ANGPT2: variants seen among roughly 807,000 people sequenced by gnomAD.
ANGPT2 encodes angiopoietin-2.
Under a neutral mutation model 62.9 loss-of-function variants are expected in ANGPT2, and 28 were observed. The ratio of observed to expected loss-of-function variants is 0.44; its 90% confidence interval spans 0.33 to 0.61. The LOEUF (loss-of-function observed/expected upper bound fraction) is 0.61. Ranked by LOEUF, ANGPT2 falls within the 20% of genes least tolerant of loss-of-function variation. The pLI is 0.03. For synonymous variants in ANGPT2, 284 were observed against 207.8 expected (o/e 1.37, Z -3.15); for missense variants, 727 against 594.9 (o/e 1.22, Z -2.31).
chr8:6,550,281 G>A (rs1406660269), intron 1 of ANGPT2, among the ~76,000 whole-genome samples: 1 of 152,152 alleles, frequency 6.6e-6, no homozygotes, highest in East Asian at 1.9e-4. Flanking sequence ...CCATGGGGAG[G>A]TTGAATCCCC....
chr8:6,562,585 T>C, intron 1 of ANGPT2, 62 bp downstream of exon 1: 1 of 794,964 alleles, frequency 1.3e-6, no homozygotes, highest in Middle Eastern at 2.9e-4. Context: ...TGTTAAAACC[T>C]GAGCTGCTGC....
chr8:6,513,832 G>A lies in ANGPT2; in HGVS notation c.1042C>T (p.Pro348Ser), dbSNP rs776258713. 1.2e-6 allele frequency: 2 copies of A among 1,605,378 alleles called. No homozygotes were observed. Among genetic ancestry groups the A allele is most frequent in the Admixed American group, 1.7e-5 (1 of 57,872 alleles). The part of the protein sequence containing the change: ...WKEYKVGFGN[P>S]SGEYWLGNEF... The stretch of plus-strand genomic sequence containing the variant: ...TTTCCCAGCCAATATTCTCCTGAAG[G>A]GTTACCAAATCCCTGTAATGCAAGT... Residue 348 changes from proline (P) to serine (S), a missense_variant, in exon 7 of 9, where the codon CCT becomes TCT. Physicochemically the swap from Pro to Ser is moderately conservative, Grantham distance 74 (BLOSUM62 -1). Coordinates refer to ENST00000629816, the MANE Select transcript of ANGPT2 (RefSeq NM_001118887.2).
intron 3 of ANGPT2, among the ~76,000 whole-genome samples, 179 bp from the exon 4 acceptor site, chr8:6,521,589 T>C (rs556116809): frequency 8.5e-5 from 13 of 152,342 alleles, no homozygotes; most frequent in Admixed American, 7.2e-4. Context: ...GATATATAAA[T>C]GTGTGTATAT....
intron 1 of ANGPT2, among the ~76,000 whole-genome samples, chr8:6,541,755 A>G (rs945821229): frequency 3.9e-5 from 6 of 152,158 alleles, no homozygotes; most frequent in Non-Finnish European, 7.4e-5. Flanking sequence ...TGTAATCCCA[A>G]TACTTTAGGG....
At chr8:6,533,576 T>C (rs1425344756) in intron 1 of ANGPT2, among the ~76,000 whole-genome samples, 5 of 124,304 alleles carry the variant, frequency 4.0e-5, no homozygotes, top group African/African-American at 1.6e-4. Context: ...TTTCTTTTTT[T>C]TTTTTTTTTT....
chr8:6,502,953 C>G lies in ANGPT2; in HGVS notation c.*148G>C. 1.2e-6 allele frequency: 1 copy of G among 850,122 alleles called. No homozygotes were observed. The highest frequency in any genetic ancestry group is 1.8e-5 in the South Asian group (1 of 54,728). 52.7% of individuals were successfully genotyped at this position (850,122 alleles called of 1,614,324 possible). On this transcript the variant is annotated 3_prime_UTR_variant, in exon 9 of 9. Coordinates refer to ENST00000629816, the MANE Select transcript of ANGPT2 (RefSeq NM_001118887.2). ...AAGTTTAAGTGATAAAGTTTACAGG[C>G]TCTAATCTGGAGCATGTGGGTCCCG...
chr8:6,516,544 A>G (rs10102851), intron 5 of ANGPT2, among the ~76,000 whole-genome samples: 16,697 of 152,270 alleles, frequency 0.11, 1,896 homozygotes, highest in African/African-American at 0.28. Context: ...AAATCAGTTC[A>G]TGAATAATAC....
intron 6 of ANGPT2, 112 bp downstream of exon 6, chr8:6,514,565 C>A (rs772798504): frequency 4.3e-6 from 4 of 926,936 alleles, no homozygotes; most frequent in Non-Finnish European, 6.8e-6. Flanking sequence ...ATTTTAAAAA[C>A]CATGTCAAAA....
intron 8 of ANGPT2, among the ~76,000 whole-genome samples, chr8:6,505,490 ATT>A (rs1421308679): frequency 1.3e-3 from 4 of 3,006 alleles, no homozygotes; most frequent in Non-Finnish European, 2.1e-3. Context: ...GAATATATAT[ATT>A]CTTTATATAT....
intron 1 of ANGPT2, among the ~76,000 whole-genome samples, chr8:6,561,168 G>T (rs1023830868): frequency 5.9e-5 from 9 of 152,228 alleles, no homozygotes; most frequent in Admixed American, 5.2e-4. Context: ...ACACAGCTAT[G>T]AATTTTAGAA....
intron 2 of ANGPT2, among the ~76,000 whole-genome samples, chr8:6,530,260 C>T (rs1055246780): frequency 7.2e-5 from 11 of 152,046 alleles, no homozygotes; most frequent in African/African-American, 1.9e-4. Flanking sequence ...GTGATCCCAG[C>T]AGTTTGGGAG....
chr8:6,523,591 T>C (rs988657847), intron 3 of ANGPT2, among the ~76,000 whole-genome samples: 1 of 152,088 alleles, frequency 6.6e-6, no homozygotes, highest in African/African-American at 2.4e-5. Context: ...GTTTTTTGTT[T>C]TTTGTTTTGA....
chr8:6,521,364 G>A lies in ANGPT2; in HGVS notation c.613C>T (p.Gln205Ter). 1 of 1,613,510 alleles carries A rather than the reference G, an allele frequency of 6.2e-7. No individual in the cohort carries two copies. Among genetic ancestry groups the A allele is most frequent in the Non-Finnish European group, 8.5e-7 (1 of 1,179,904 alleles). Residue 205 changes from glutamine (Q) to a stop codon, truncating the protein, a stop_gained, in exon 4 of 9, where the codon CAA (glutamine) becomes TAA (stop). Transcript: ENST00000629816. LOFTEE classifies it high-confidence loss of function. Reference sequence around the variant, plus strand: ...TTCTCTTCTTTTATTGACTGTAGTTGGATGATGTGCTTGTCTTCCATAGCT... The same window carrying A: ...TTCTCTTCTTTTATTGACTGTAGTTAGATGATGTGCTTGTCTTCCATAGCT... ...VLAMEDKHII[Q>*]LQSIKEEKDQ...
intron 1 of ANGPT2, among the ~76,000 whole-genome samples, chr8:6,538,153 C>G (rs1258534901): frequency 1.3e-5 from 2 of 151,834 alleles, no homozygotes; most frequent in Non-Finnish European, 2.9e-5. Context: ...CCAGCCCTTC[C>G]ATTTTTCTAG....
chr8:6,526,253 C>G (rs1818305062), intron 3 of ANGPT2, among the ~76,000 whole-genome samples: 1 of 103,904 alleles, frequency 9.6e-6, no homozygotes, highest in African/African-American at 3.9e-5. Flanking sequence ...AACCTTGCCT[C>G]TACTAAAAAA....
chr8:6,504,907 G>A (rs879464900), intron 8 of ANGPT2, among the ~76,000 whole-genome samples: 1 of 151,942 alleles, frequency 6.6e-6, no homozygotes, highest in East Asian at 1.9e-4. Context: ...CTAAGGATAA[G>A]GGAGGACTGC....
At chr8:6,535,081 A>T (rs1425859081) in intron 1 of ANGPT2, among the ~76,000 whole-genome samples, 1 of 152,160 alleles carries the variant, frequency 6.6e-6, no homozygotes, top group Non-Finnish European at 1.5e-5. Context: ...TTAAGCCCAT[A>T]CTCAGAAATA....
At chr8:6,509,152 C>A in intron 7 of ANGPT2, 90 bp from the exon 8 acceptor site, 1 of 1,516,422 alleles carries the variant, frequency 6.6e-7, no homozygotes, top group Non-Finnish European at 8.9e-7. Context: ...TTCCATTCTA[C>A]AGAAGCGTGT....
intron 3 of ANGPT2, among the ~76,000 whole-genome samples, chr8:6,524,837 A>C (rs1016401816): frequency 4.6e-5 from 7 of 152,214 alleles, no homozygotes; most frequent in Admixed American, 3.3e-4. Context: ...TGAAGAGAAA[A>C]TGGAGACCCT....
Sources: gnomAD v4.1 joint callset for allele counts (sites outside exome capture counted in the v4.1 genomes callset) on GRCh38, gnomAD v4.1.1 for gene constraint, MANE v1.5 for transcripts, NCBI Gene and HGNC (gene_info 2026-07-23, HGNC 2026-07-21) for gene names.